COA1: variants seen among roughly 807,000 people sequenced by gnomAD.
COA1 encodes cytochrome c oxidase assembly factor 1, also known as cytochrome c oxidase assembly factor 1 homolog.
In COA1, 13 loss-of-function variants were observed where a neutral mutation model predicts 16.0. That is an observed-to-expected ratio of 0.81 (90% CI 0.53 to 1.29). The LOEUF is 1.29. COA1 is among the 50% of genes most tolerant of loss of function. The pLI is 0.00. For missense variants in COA1, 179 were observed against 177.0 expected, an observed-to-expected ratio of 1.01 and a Z score of -0.06; for synonymous variants, 65 against 65.7, an observed-to-expected ratio of 0.99 and a Z score of 0.05.
chr7:43,656,041 T>C (rs1423262554), intron 1 of COA1: 1 of 152,214 alleles, frequency 6.6e-6, no homozygotes, highest in East Asian at 1.9e-4. Context: ...ACCAAGGCAC[T>C]AGCCATGTGA....
intron 4 of COA1, among the ~76,000 whole-genome samples, chr7:43,643,547 G>A (rs115942222): frequency 9.1e-4 from 139 of 152,308 alleles, no homozygotes; most frequent in African/African-American, 3.2e-3. Flanking sequence ...CCTCTCTCAC[G>A]CAGTGTCGCT....
intron 1 of COA1, among the ~76,000 whole-genome samples, chr7:43,709,228 A>G (rs13241711): frequency 0.15 from 22,345 of 151,886 alleles, 2,189 homozygotes; most frequent in Non-Finnish European, 0.21. Flanking sequence ...GGGTTTCACC[A>G]TGTTAGCCAG....
intron 1 of COA1, among the ~76,000 whole-genome samples, chr7:43,694,815 T>C (rs1009484428): frequency 5.9e-5 from 9 of 152,202 alleles, no homozygotes; most frequent in African/African-American, 1.7e-4. Context: ...GCTCATGTTA[T>C]CACCTGCGTA....
At chr7:43,617,977 C>G (rs1312369405) in intron 6 of COA1, among the ~76,000 whole-genome samples, 1 of 152,036 alleles carries the variant, frequency 6.6e-6, no homozygotes. Context: ...TCAAACACTG[C>G]TAAGGGAGGG....
At chr7:43,707,989 C>T (rs2095062616) in intron 1 of COA1, among the ~76,000 whole-genome samples, 1 of 152,146 alleles carries the variant, frequency 6.6e-6, no homozygotes, top group Admixed American at 6.5e-5. Flanking sequence ...TGGCTCATGC[C>T]TATAATCCTA....
chr7:43,649,018 T>C (rs1179860905), intron 1 of COA1: 1 of 195,640 alleles, frequency 5.1e-6, no homozygotes, highest in Non-Finnish European at 1.1e-5. Context: ...CAATAAAAGC[T>C]GTACGTGACA....
At chr7:43,634,172 T>C (rs1442028772) in intron 6 of COA1, among the ~76,000 whole-genome samples, 1 of 152,220 alleles carries the variant, frequency 6.6e-6, no homozygotes, top group African/African-American at 2.4e-5. Flanking sequence ...TTCTAAAATC[T>C]GTGTTATCTT....
At chr7:43,701,414 C>G (rs575161286) in intron 1 of COA1, among the ~76,000 whole-genome samples, 1 of 152,340 alleles carries the variant, frequency 6.6e-6, no homozygotes, top group South Asian at 2.1e-4. Context: ...TGGCCTCCAG[C>G]TGCATTCATG....
rs529266229 is a variant in COA1, at chr7:43,699,500, T to C, written c.-39+29929A>G. Among the ~76,000 whole-genome samples the C allele has an allele frequency of 9.2e-5, 14 of 152,314 alleles. No individual in the cohort carries two copies. The South Asian group carries it at 2.9e-3, about 32-fold the overall frequency. On this transcript the variant is annotated intron_variant, in intron 1 of 5. Coordinates refer to ENST00000223336, the MANE Select transcript of COA1 (RefSeq NM_018224.4). ...CTAATTAGCAAAGGTATGTTTTATA[T>C]TTGCTCCTAGTACAGTTTCCAGTCT...
At chr7:43,627,382 T>TA (rs1273794897) in intron 6 of COA1, among the ~76,000 whole-genome samples, 1 of 152,176 alleles carries the variant, frequency 6.6e-6, no homozygotes, top group Admixed American at 6.5e-5. Flanking sequence ...AAAGATCACT[T>TA]AGAGAATGTG....
downstream of COA1, among the ~76,000 whole-genome samples, chr7:43,636,071 A>C (rs2085823339): frequency 6.6e-6 from 1 of 152,200 alleles, no homozygotes; most frequent in Admixed American, 6.5e-5. Flanking sequence ...TAGGAATGAA[A>C]AGTACTCTCT....
intron 1 of COA1, among the ~76,000 whole-genome samples, chr7:43,654,625 A>C (rs1483736665): frequency 1.3e-5 from 2 of 152,224 alleles, no homozygotes; most frequent in Non-Finnish European, 2.9e-5. Flanking sequence ...GAATATAAAA[A>C]TGAAGAGCAA....
chr7:43,654,743 T>C lies in COA1; in HGVS notation c.-38-6091A>G, dbSNP rs187557339. ...AGATGAGATAAAACAAAAATGATAC[T>C]AAAAGAAAACTTGAAAAAAGACAAA... On this transcript the variant is annotated intron_variant, in intron 1 of 5. Transcript: ENST00000223336. Among the ~76,000 whole-genome samples, 420 of 152,256 alleles carry C rather than the reference T, an allele frequency of 2.8e-3. 1 individual carries two copies. The highest frequency in any genetic ancestry group is 9.4e-3 in the African/African-American group (390 of 41,536).
chr7:43,715,006 TAAAAAAAAAAAAAA>T (rs755827781), intron 1 of COA1, among the ~76,000 whole-genome samples: 26 of 95,762 alleles, frequency 2.7e-4, no homozygotes, highest in Admixed American at 6.2e-4. Flanking sequence ...GCCTCTTGTC[TAAAAAAAAAAAAAA>T]AAAAAAAAAA....
At chr7:43,628,136 G>A (rs571663794) in intron 6 of COA1, among the ~76,000 whole-genome samples, 7 of 152,092 alleles carry the variant, frequency 4.6e-5, no homozygotes, top group Admixed American at 1.3e-4. Flanking sequence ...ACAGGCATGC[G>A]CCACCACACC....
chr7:43,706,209 C>T (rs849174), intron 1 of COA1, among the ~76,000 whole-genome samples: 125,893 of 152,210 alleles, frequency 0.83, 52,501 homozygotes, highest in African/African-American at 0.94. Context: ...ATACTTAGAG[C>T]ATTTTGATTC....
At chr7:43,675,463 G>A (rs1198147569) in intron 1 of COA1, among the ~76,000 whole-genome samples, 1 of 148,194 alleles carries the variant, frequency 6.7e-6, no homozygotes, top group East Asian at 2.0e-4. Flanking sequence ...GGTGGGGGCA[G>A]GGGGGAGGGA....
At chr7:43,622,112 C>T (rs2083956951) in intron 6 of COA1, among the ~76,000 whole-genome samples, 1 of 152,190 alleles carries the variant, frequency 6.6e-6, no homozygotes, top group Non-Finnish European at 1.5e-5. Context: ...ATAATAAGCA[C>T]TCAAAAAAGT....
intron 1 of COA1, among the ~76,000 whole-genome samples, chr7:43,722,695 G>A (rs1473533431): frequency 2.6e-5 from 4 of 152,188 alleles, no homozygotes; most frequent in Non-Finnish European, 4.4e-5. Flanking sequence ...GAGCCACCAC[G>A]CCCAGCTAGT....
Sources: gnomAD v4.1 joint callset for allele counts (sites outside exome capture counted in the v4.1 genomes callset) on GRCh38, gnomAD v4.1.1 for gene constraint, MANE v1.5 for transcripts, NCBI Gene and HGNC (gene_info 2026-07-23, HGNC 2026-07-21) for gene names.